Variants in CAMTA1 observed in about 807,000 individuals in gnomAD.
CAMTA1 encodes the protein calmodulin binding transcription activator 1.
Under a neutral mutation model 170.9 loss-of-function variants are expected in CAMTA1, and 27 were observed. The ratio of observed to expected loss-of-function variants is 0.16; its 90% CI spans 0.12 to 0.22. The LOEUF (loss-of-function observed/expected upper bound fraction) is 0.22, where lower values mean the gene tolerates loss of function less well. Among genes scored for constraint, CAMTA1 ranks in the 10% least tolerant of loss-of-function variants. The probability of loss-of-function intolerance (pLI) is 1.00; values close to 1 mark genes in which losing one functional copy is unlikely to be tolerated. For missense variants in CAMTA1, 1,619 were observed against 2,217.2 expected, an observed-to-expected ratio of 0.73 and a Z score of 5.42; for synonymous variants, 833 against 891.5, an observed-to-expected ratio of 0.93 and a Z score of 1.17.
intron 4 of CAMTA1, among the ~76,000 whole-genome samples, chr1:7,188,422 T>G (rs1573760058): frequency 6.6e-6 from 1 of 152,326 alleles, no homozygotes; most frequent in East Asian, 1.9e-4. Flanking sequence ...TGCAGAACTT[T>G]TTTGACTTTC....
chr1:6,852,170 AAC>A (rs1227027956), intron 3 of CAMTA1, among the ~76,000 whole-genome samples: 39 of 152,344 alleles, frequency 2.6e-4, no homozygotes, highest in Admixed American at 5.9e-4. Flanking sequence ...TAAACAGCCA[AAC>A]TAGAATGTTA....
chr1:6,881,512 G>C (rs770026277), intron 3 of CAMTA1, among the ~76,000 whole-genome samples: 1 of 152,146 alleles, frequency 6.6e-6, no homozygotes, highest in Non-Finnish European at 1.5e-5. Flanking sequence ...ATGACAAGGA[G>C]GCCTGTGTTG....
chr1:7,458,448 A>G (rs1362474169), intron 5 of CAMTA1, among the ~76,000 whole-genome samples: 1 of 152,130 alleles, frequency 6.6e-6, no homozygotes, highest in African/African-American at 2.4e-5. Flanking sequence ...TCCTGTGTCC[A>G]CTATGGCAGA....
chr1:7,155,636 G>A (rs567827905), intron 4 of CAMTA1, among the ~76,000 whole-genome samples: 1 of 151,848 alleles, frequency 6.6e-6, no homozygotes, highest in East Asian at 2.0e-4. Context: ...ACACCATGTT[G>A]TTCAGGCTGG....
intron 10 of CAMTA1, 124 bp from the exon 11 acceptor site, chr1:7,677,475 T>C: frequency 1.8e-6 from 2 of 1,133,316 alleles, no homozygotes; most frequent in South Asian, 3.0e-5. Flanking sequence ...TAGGCTACCA[T>C]TAAGGAGAGC....
chr1:7,467,871 C>T lies in CAMTA1; in HGVS notation c.480C>T (p.Thr160=), dbSNP rs900287385. Residue 160 remains threonine, a synonymous_variant, in exon 6 of 23, where the codon ACC becomes ACT. Coordinates refer to ENST00000303635, the MANE Select transcript of CAMTA1 (RefSeq NM_015215.4). The part of the protein sequence containing the change: ...GCYVHSSIIP[T]FHRRCYWLLQ... Reference sequence around the variant, plus strand: ...ATGTCCATTCCTCCATCATCCCCACCTTCCACCGGAGGTGCTACTGGCTCC... The same window carrying T: ...ATGTCCATTCCTCCATCATCCCCACTTTCCACCGGAGGTGCTACTGGCTCC... 2.5e-6 allele frequency: 4 copies of T among 1,614,116 alleles called. No homozygotes were observed. Among genetic ancestry groups the T allele is most frequent in the Non-Finnish European group, 3.4e-6 (4 of 1,179,916 alleles).
chr1:6,798,958 G>C (rs1179748878), intron 1 of CAMTA1, among the ~76,000 whole-genome samples: 1 of 152,152 alleles, frequency 6.6e-6, no homozygotes, highest in Admixed American at 6.5e-5. Context: ...TAGTTCTCTA[G>C]CTGTGAAGGC....
chr1:7,428,548 G>A (rs1009811493), intron 5 of CAMTA1, among the ~76,000 whole-genome samples: 1 of 152,094 alleles, frequency 6.6e-6, no homozygotes, highest in Non-Finnish European at 1.5e-5. Context: ...ATAGGTGATA[G>A]GTCAGGGCTC....
chr1:7,190,440 C>T (rs749207768), intron 4 of CAMTA1, among the ~76,000 whole-genome samples: 5 of 152,048 alleles, frequency 3.3e-5, no homozygotes, highest in African/African-American at 7.3e-5. Flanking sequence ...GATTCTTATA[C>T]GTGTGTAGAA....
chr1:7,419,548 C>T (rs542916095), intron 5 of CAMTA1, among the ~76,000 whole-genome samples: 11 of 152,192 alleles, frequency 7.2e-5, no homozygotes, highest in African/African-American at 2.7e-4. Flanking sequence ...TGAGCTCACT[C>T]AGTCTCGTGG....
chr1:7,119,793 G>T lies in CAMTA1; in HGVS notation c.302+28422G>T, dbSNP rs531889863. On this transcript the variant is annotated intron_variant, in intron 4 of 22. Transcript: ENST00000303635. ...TTCCTTGCAGACTTTCTCACCTGGG[G>T]TTTCATAAGAGAATTAAGCCGTACA... 2.7e-4 allele frequency among the ~76,000 whole-genome samples: 41 copies of T among 152,290 alleles called. 1 individual carries two copies. Among genetic ancestry groups the T allele is most frequent in the Admixed American group, 1.1e-3 (17 of 15,300 alleles).
chr1:6,976,711 A>G (rs1693489666), intron 3 of CAMTA1, among the ~76,000 whole-genome samples: 1 of 152,176 alleles, frequency 6.6e-6, no homozygotes, highest in Non-Finnish European at 1.5e-5. Flanking sequence ...TCAGCAGAGG[A>G]GGGAAGAGAA....
At chr1:7,163,213 C>A (rs554065540) in intron 4 of CAMTA1, among the ~76,000 whole-genome samples, 61 of 149,682 alleles carry the variant, frequency 4.1e-4, no homozygotes, top group African/African-American at 1.4e-3. Flanking sequence ...GCCACAGATG[C>A]TGGTCCGAGA....
chr1:7,514,447 G>T (rs1398159120), intron 6 of CAMTA1, among the ~76,000 whole-genome samples: 1 of 152,252 alleles, frequency 6.6e-6, no homozygotes, highest in Admixed American at 6.5e-5. Context: ...GAGCACCTAT[G>T]ATGTGGCATG....
At chr1:7,027,258 G>C (rs1702151946) in intron 3 of CAMTA1, among the ~76,000 whole-genome samples, 2 of 152,178 alleles carry the variant, frequency 1.3e-5, no homozygotes, top group African/African-American at 4.8e-5. Context: ...CTCACTAGCT[G>C]CTGAGATCCA....
chr1:6,889,744 G>A (rs141344471), intron 3 of CAMTA1, among the ~76,000 whole-genome samples: 6 of 152,144 alleles, frequency 3.9e-5, no homozygotes, highest in Admixed American at 2.6e-4. Context: ...AAGATGCTGG[G>A]ATGGGTTATC....
At chr1:7,232,707 C>T (rs1022041455) in intron 4 of CAMTA1, among the ~76,000 whole-genome samples, 2 of 152,080 alleles carry the variant, frequency 1.3e-5, no homozygotes, top group Non-Finnish European at 2.9e-5. Flanking sequence ...GTAGCTCTCC[C>T]TTTGTGGCAG....
chr1:7,536,989 G>A (rs556122771), intron 6 of CAMTA1, among the ~76,000 whole-genome samples: 20 of 152,222 alleles, frequency 1.3e-4, no homozygotes, highest in Middle Eastern at 3.4e-3. Context: ...TCCAGAGAGC[G>A]TCCTGGACCA....
At chr1:7,556,726 A>G (rs1473900409) in intron 6 of CAMTA1, among the ~76,000 whole-genome samples, 1 of 151,728 alleles carries the variant, frequency 6.6e-6, no homozygotes, top group Non-Finnish European at 1.5e-5. Context: ...CTCTGCTCAC[A>G]CCCACTCAGC....
Sources: allele counts gnomAD v4.1 joint callset (sites outside exome capture counted in the v4.1 genomes callset), GRCh38; gene constraint gnomAD v4.1.1; transcripts MANE v1.5; gene names NCBI Gene and HGNC (gene_info 2026-07-23, HGNC 2026-07-21).